The following HEPHL1 variants were observed in gnomAD, a reference collection of about 807,000 sequenced individuals.
HEPHL1 encodes the protein hephaestin like 1.
Under a neutral mutation model 122.0 loss-of-function variants are expected in HEPHL1, and 123 were observed. That is an observed-to-expected ratio of 1.01 (90% confidence interval 0.87 to 1.17). HEPHL1 has a LOEUF of 1.17. HEPHL1 is among the 50% of genes most tolerant of loss of function. The pLI is 0.00. For synonymous variants in HEPHL1, 527 were observed against 508.9 expected (o/e 1.04, Z -0.48); for missense variants, 1,452 against 1,430.5 (o/e 1.01, Z -0.24).
chr11:94,031,269 A>G (rs890309482), intron 1 of HEPHL1, among the ~76,000 whole-genome samples: 1 of 151,812 alleles, frequency 6.6e-6, no homozygotes, highest in African/African-American at 2.4e-5. Context: ...TCTGGAGGCT[A>G]CACTTTGTTT....
At chr11:94,059,054 C>T (rs892323642) in intron 2 of HEPHL1, among the ~76,000 whole-genome samples, 1 of 152,130 alleles carries the variant, frequency 6.6e-6, no homozygotes, top group South Asian at 2.1e-4. Flanking sequence ...TCTTTCACTC[C>T]AAAGGCAATA....
chr11:94,063,581 C>CA lies in HEPHL1; in HGVS notation c.489_490insA (p.Tyr164IlefsTer51). On this transcript the variant is annotated frameshift_variant, in exon 3 of 20. Transcript: ENST00000315765. LOFTEE classifies it high-confidence loss of function. ...TGGTTCCTCCTGGGAAAAACTACAC[C>CA]TACGTCTGGCCGGTGAGAGAAGAAT... is the stretch of plus-strand genomic sequence containing the variant. 2.5e-6 allele frequency: 4 copies of CA among 1,613,674 alleles called. No individual in the cohort carries two copies. In the African/African-American group the frequency reaches 5.3e-5, roughly 22 times the overall value.
intron 7 of HEPHL1, 22 bp downstream of exon 7, chr11:94,073,186 T>A (rs777160969): frequency 1.2e-6 from 2 of 1,612,342 alleles, no homozygotes; most frequent in African/African-American, 2.7e-5. Flanking sequence ...CCATCCCCCA[T>A]GCATTGAACC....
chr11:94,092,386 T>G (rs1946268826), intron 12 of HEPHL1, among the ~76,000 whole-genome samples: 1 of 152,202 alleles, frequency 6.6e-6, no homozygotes, highest in Non-Finnish European at 1.5e-5. Context: ...TGTGACATTT[T>G]TGTGGTCATT....
chr11:94,059,266 A>C (rs535716565), intron 2 of HEPHL1, among the ~76,000 whole-genome samples: 1 of 152,320 alleles, frequency 6.6e-6, no homozygotes, highest in African/African-American at 2.4e-5. Flanking sequence ...GCAATATCCC[A>C]CCATATGAAC....
intron 5 of HEPHL1, among the ~76,000 whole-genome samples, chr11:94,068,724 G>A (rs2084053992): frequency 6.6e-6 from 1 of 152,154 alleles, no homozygotes; most frequent in African/African-American, 2.4e-5. Context: ...GAGGAATTCT[G>A]ACCACTGGAT....
At chr11:94,057,850 G>A (rs1406006328) in intron 2 of HEPHL1, among the ~76,000 whole-genome samples, 2 of 151,540 alleles carry the variant, frequency 1.3e-5, no homozygotes, top group Non-Finnish European at 2.9e-5. Flanking sequence ...TCATATTTTT[G>A]TTGTTCTTGA....
intron 2 of HEPHL1, 95 bp from the exon 3 acceptor site, chr11:94,063,413 G>A: frequency 1.0e-6 from 1 of 959,522 alleles, no homozygotes; most frequent in Admixed American, 2.6e-5. Flanking sequence ...ATTCAGTTAT[G>A]TTTGATTCCA....
intron 3 of HEPHL1, among the ~76,000 whole-genome samples, chr11:94,064,057 T>A (rs112285202): frequency 7.1e-4 from 108 of 152,394 alleles, no homozygotes; most frequent in African/African-American, 2.5e-3. Context: ...CCCTTATTAG[T>A]TGACTTAGCA....
chr11:94,049,035 C>G (rs770379080), intron 2 of HEPHL1, among the ~76,000 whole-genome samples: 14 of 151,948 alleles, frequency 9.2e-5, no homozygotes, highest in African/African-American at 3.4e-4. Flanking sequence ...GCAGGATAGT[C>G]GCTTGAACCT....
At position 94,069,740 on chromosome 11, in the gene HEPHL1, T is replaced by G. The variant is rs148853254; in HGVS notation, c.1064-634T>G. Among the ~76,000 whole-genome samples the G allele has an allele frequency of 1.1e-3, 175 of 152,264 alleles. 4 individuals are homozygous for G. The East Asian group carries it at 0.03, about 26-fold the overall frequency. ...TGTTTCCCACCAATTTTTTTGCTAT[T>G]ATAAACAGCACTGATGACTATTATT... On this transcript the variant is annotated intron_variant, in intron 5 of 19. Coordinates refer to ENST00000315765, the MANE Select transcript of HEPHL1 (RefSeq NM_001098672.2).
rs771425413 is a variant in HEPHL1 at position 94,067,628 on chromosome 11, T to C, written c.941T>C (p.Ile314Thr). Residue 314 changes from isoleucine (I) to threonine (T), a missense_variant, in exon 5 of 20, where the codon ATC (isoleucine) becomes ACC (threonine). Transcript: ENST00000315765. The stretch of plus-strand genomic sequence containing the variant: ...ATCTATTTCTATGGTAACACCTTCA[T>C]CAGCAGAGGGCATCGGACTGATGTC... ...HSIYFYGNTF[I>T]SRGHRTDVVN... 9 of 1,613,838 alleles carry C rather than the reference T, an allele frequency of 5.6e-6. No individual in the cohort carries two copies. The highest frequency in any genetic ancestry group is 6.8e-6 in the Non-Finnish European group (8 of 1,179,768).
At chr11:94,032,843 T>C (rs1415285125) in intron 1 of HEPHL1, among the ~76,000 whole-genome samples, 1 of 152,234 alleles carries the variant, frequency 6.6e-6, no homozygotes, top group African/African-American at 2.4e-5. Flanking sequence ...AGCAAGTGCA[T>C]TGAGGGGCAA....
chr11:94,093,971 G>GATAGATAGATATATATATATATATATAT (rs71036310), intron 13 of HEPHL1, among the ~76,000 whole-genome samples: 13 of 72,756 alleles, frequency 1.8e-4, no homozygotes, highest in African/African-American at 2.5e-4. Flanking sequence ...TCCTCCAGCA[G>GATAGATAGATATATATATATATATATAT]ATATATATAT....
chr11:94,086,399 A>G (rs1165400391), intron 11 of HEPHL1, among the ~76,000 whole-genome samples: 1 of 152,242 alleles, frequency 6.6e-6, no homozygotes, highest in Non-Finnish European at 1.5e-5. Context: ...TAGCATCCAC[A>G]AAACAGAAGT....
At chr11:94,083,579 A>G (rs1204903028) in intron 10 of HEPHL1, among the ~76,000 whole-genome samples, 1 of 152,184 alleles carries the variant, frequency 6.6e-6, no homozygotes, top group Non-Finnish European at 1.5e-5. Flanking sequence ...CATAAAATCT[A>G]TTTATTGCCT....
chr11:94,037,633 AT>A (rs1161127996), intron 1 of HEPHL1, among the ~76,000 whole-genome samples: 5 of 152,194 alleles, frequency 3.3e-5, no homozygotes, highest in Non-Finnish European at 4.4e-5. Context: ...ACAGCAGGGT[AT>A]TCCAACAGAC....
At position 94,073,398 on chromosome 11, in the gene HEPHL1, T is replaced by C. The variant is rs753905528; in HGVS notation, c.1463T>C (p.Val488Ala). 1 of 1,563,308 alleles carries C rather than the reference T, an allele frequency of 6.4e-7. No individual in the cohort carries two copies. The change falls in exon 8 of 20, where the codon GTG (valine) becomes GCG (alanine). Residue 488 changes from valine (V) to alanine (A), a missense_variant. By Grantham distance (64) the Val-to-Ala change is moderately conservative (BLOSUM62 0). Coordinates refer to ENST00000315765, the MANE Select transcript of HEPHL1 (RefSeq NM_001098672.2). ...DKVYSILPHGVIYDKASDAAP... is the reference protein window; with the variant it reads ...DKVYSILPHGAIYDKASDAAP... The stretch of plus-strand genomic sequence containing the variant: ...GTCTATAGCATTTTACCCCATGGTG[T>C]GATCTATGACAAGGCATCTGATGCA...
At chr11:94,073,548 C>G in intron 8 of HEPHL1, 109 bp downstream of exon 8, 2 of 1,032,526 alleles carry the variant, frequency 1.9e-6, no homozygotes, top group Non-Finnish European at 2.8e-6. Flanking sequence ...GCCCTGAGAG[C>G]TTGGGCAATC....
Sources: gnomAD v4.1 joint callset for allele counts (sites outside exome capture counted in the v4.1 genomes callset) on GRCh38, gnomAD v4.1.1 for gene constraint, MANE v1.5 for transcripts, NCBI Gene and HGNC (gene_info 2026-07-23, HGNC 2026-07-21) for gene names.